FBN3: variants seen among roughly 807,000 people sequenced by gnomAD.
The protein encoded by FBN3 is fibrillin-3.
FBN3 carries 234 observed loss-of-function variants against 330.1 expected under a neutral mutation model. The observed-to-expected ratio is 0.71, with a 90% CI of 0.64 to 0.79. The LOEUF (loss-of-function observed/expected upper bound fraction) is 0.79, where lower values mean the gene tolerates loss of function less well. Ranked by LOEUF, FBN3 falls within the 30% of genes least tolerant of loss-of-function variation. FBN3 has a pLI of 0.00. For missense variants in FBN3, 3,606 were observed against 3,886.9 expected, an observed-to-expected ratio of 0.93 and a Z score of 1.92; for synonymous variants, 1,458 against 1,517.3, an observed-to-expected ratio of 0.96 and a Z score of 0.91.
In FBN3 at chr19:8,129,468, C is replaced by A; in HGVS notation, c.2045-103G>T. 6.7e-7 allele frequency: 1 copy of A among 1,488,780 alleles called. No homozygotes were observed. The highest frequency in any genetic ancestry group is 9.1e-7 in the Non-Finnish European group (1 of 1,093,910). The allele number at this position is 1,488,780 out of a possible 1,614,324, so 92.2% of individuals were successfully genotyped here. A position where few individuals can be genotyped will look rare whatever the true frequency, so the allele number is the denominator to read the frequency against. ...ACCAGGGGTCTCTAGAAGTCAGATT[C>A]CCCAAGGCCATAGCTCCAGCCCAGA... On this transcript the variant is annotated intron_variant, in intron 16 of 63. Coordinates refer to ENST00000600128, the MANE Select transcript of FBN3 (RefSeq NM_032447.5). The surrounding 1 kb of genome is among the most constrained non-coding windows in gnomAD (Gnocchi z 4.5).
intron 41 of FBN3, 35 bp from the exon 42 acceptor site, chr19:8,097,449 C>T (rs1375605120): frequency 2.6e-6 from 4 of 1,565,938 alleles, no homozygotes; most frequent in African/African-American, 2.7e-5. Flanking sequence ...GGCAGCCCAG[C>T]CCCCTGGGAC....
intron 51 of FBN3, 79 bp downstream of exon 51, chr19:8,089,466 G>T: frequency 6.5e-7 from 1 of 1,541,340 alleles, no homozygotes; most frequent in African/African-American, 1.4e-5. Flanking sequence ...CTGCCTGGGG[G>T]TGTCTTCCCT....
rs150616727 is a variant in FBN3, at chr19:8,109,472, G to A, written c.4457-84C>T. ...GTGCATGCATGTGTCTATTTCAACA[G>A]GTGACAAGGACAACCACTCTTGCAG... On this transcript the variant is annotated intron_variant, in intron 35 of 63. Transcript: ENST00000600128. This position sits in a 1 kb window ranked among gnomAD's most constrained non-coding sequence, Gnocchi z 5.2. 6.4e-7 allele frequency: 1 copy of A among 1,560,476 alleles called. No individual in the cohort carries two copies. Among genetic ancestry groups the A allele is most frequent in the Non-Finnish European group, 8.8e-7 (1 of 1,139,768 alleles).
chr19:8,075,222 C>T (rs372140427), intron 60 of FBN3, 32 bp from the exon 61 acceptor site: 2 of 1,574,522 alleles, frequency 1.3e-6, no homozygotes, highest in East Asian at 2.3e-5. Flanking sequence ...AGAGGGTTTA[C>T]CAGACGGCTC....
At chr19:8,115,682 G>A (rs1468936074) in intron 29 of FBN3, 42 bp from the exon 30 acceptor site, 1 of 1,605,772 alleles carries the variant, frequency 6.2e-7, no homozygotes, top group Non-Finnish European at 8.5e-7. Context: ...CTGGGTGCAG[G>A]GGTGACAGGA....
At chr19:8,137,563 AC>A (rs902414042) in intron 10 of FBN3, among the ~76,000 whole-genome samples, 25 of 151,668 alleles carry the variant, frequency 1.6e-4, no homozygotes, top group African/African-American at 5.3e-4. Context: ...TACATGACAG[AC>A]CCCCACACCA....
rs1205480152 is a variant in FBN3 at position 8,065,910 on chromosome 19, T to A, written c.*9A>T. On this transcript the variant is annotated 3_prime_UTR_variant, in exon 64 of 64. Transcript: ENST00000600128. ...CTGGACAGCTGGGGCCCACTGAGGC[T>A]CCTCCCAACTAAAGCAACTGCAGCT... The A allele has an allele frequency of 6.4e-7, 1 of 1,553,596 alleles. No individual in the cohort carries two copies. Among genetic ancestry groups the A allele is most frequent in the African/African-American group, 1.4e-5 (1 of 73,238 alleles).
In FBN3 at chr19:8,138,145, A is replaced by G; in HGVS notation, c.1197T>C (p.Asn399=). The G allele has an allele frequency of 1.1e-5, 17 of 1,609,542 alleles. No homozygotes were observed. The highest frequency in any genetic ancestry group is 1.4e-5 in the Non-Finnish European group (17 of 1,178,532). The part of the protein sequence containing the change: ...GIPSLGPGNS[N]IGTATLNQTI... ...CTCCCAAGCCCCAGGCCTCACCAAT[A>G]TTAGAGTTGCCAGGGCCCAGGCTGG... Residue 399 remains asparagine, a synonymous_variant, in exon 10 of 64, where the codon AAT becomes AAC. Coordinates refer to ENST00000600128, the MANE Select transcript of FBN3 (RefSeq NM_032447.5).
Position 8,081,034 on chromosome 19 carries a change from G to A in FBN3, c.7422C>T (p.Pro2474=), listed in dbSNP as rs571129157. 1.2e-5 allele frequency: 19 copies of A among 1,613,228 alleles called. No individual in the cohort carries two copies. Among genetic ancestry groups the A allele is most frequent in the South Asian group, 9.9e-5 (9 of 91,084 alleles). The stretch of plus-strand genomic sequence containing the variant: ...AGGCCTGGTGGTGCTGGGTGAAGCC[G>A]GGCGGACAGCGGCAGGTGAAGGCGC... ...TVGAFTCRCP[P]GFTQHHQACF... Residue 2474 remains proline, a synonymous_variant, in exon 59 of 64, where the codon CCC becomes CCT. Transcript: ENST00000600128.
At chr19:8,118,645 G>C (rs1420434725) in intron 26 of FBN3, among the ~76,000 whole-genome samples, 1 of 151,890 alleles carries the variant, frequency 6.6e-6, no homozygotes, top group Non-Finnish European at 1.5e-5. Context: ...ACAAACGCTT[G>C]CCCTTGTACA....
intron 57 of FBN3, among the ~76,000 whole-genome samples, chr19:8,082,925 G>A (rs141822356): frequency 2.6e-5 from 4 of 151,856 alleles, no homozygotes; most frequent in Admixed American, 1.3e-4. Context: ...AGCTCAAGCA[G>A]CCTCCCAAGT....
At chr19:8,108,543 T>A (rs902581446) in intron 36 of FBN3, among the ~76,000 whole-genome samples, 1 of 152,014 alleles carries the variant, frequency 6.6e-6, no homozygotes, top group Non-Finnish European at 1.5e-5. Context: ...AGAAGATTAT[T>A]CCTTCTGATC....
At chr19:8,133,930 T>A (rs1311030713) in intron 13 of FBN3, among the ~76,000 whole-genome samples, 8 of 145,488 alleles carry the variant, frequency 5.5e-5, no homozygotes, top group Admixed American at 2.1e-4. Context: ...AACATACATT[T>A]AAAAAAAAAA....
At chr19:8,072,919 C>G in intron 62 of FBN3, 144 bp downstream of exon 62, 1 of 694,488 alleles carries the variant, frequency 1.4e-6, no homozygotes, top group Non-Finnish European at 2.4e-6. Context: ...CCTGCATGCA[C>G]AGGCTGAAGG....
rs745699186 is a variant in FBN3, at chr19:8,072,085, C to T, written c.8051G>A (p.Arg2684Gln). ...GTGGGCACTGCGTCGTGGCCGGTCCCGAGGGGAGAGGCCATTGATCTTGCA... is the reference window on the plus strand; with the variant it reads ...GTGGGCACTGCGTCGTGGCCGGTCCTGAGGGGAGAGGCCATTGATCTTGCA... ...YECKINGLSP[R>Q]DRPRRSAHRD... Residue 2684 changes from arginine to glutamine, a missense_variant, in exon 63 of 64, where the codon CGG (arginine) becomes CAG (glutamine). By Grantham distance (43) the Arg-to-Gln change is conservative. Coordinates refer to ENST00000600128, the MANE Select transcript of FBN3 (RefSeq NM_032447.5). The T allele has an allele frequency of 1.2e-6, 2 of 1,612,692 alleles. No individual in the cohort carries two copies. The highest frequency in any genetic ancestry group is 1.7e-6 in the Non-Finnish European group (2 of 1,179,726).
intron 59 of FBN3, among the ~76,000 whole-genome samples, chr19:8,078,327 T>A (rs1265625237): frequency 3.9e-5 from 6 of 152,300 alleles, no homozygotes; most frequent in Admixed American, 3.9e-4. Flanking sequence ...GATGCTAGCA[T>A]GGTAGAGTCC....
Position 8,126,694 on chromosome 19 carries a change from G to C in FBN3, c.2416+19C>G. Reference sequence around the variant, plus strand: ...GACGCCCAGCCTCTGGAACGCCGTCGGGCTCCGGGGCCGCTCACCTAGACA... The same window carrying C: ...GACGCCCAGCCTCTGGAACGCCGTCCGGCTCCGGGGCCGCTCACCTAGACA... On this transcript the variant is annotated intron_variant, in intron 19 of 63. Transcript: ENST00000600128. 2 of 1,580,952 alleles carry C rather than the reference G, an allele frequency of 1.3e-6. No homozygotes were observed. The highest frequency in any genetic ancestry group is 1.7e-6 in the Non-Finnish European group (2 of 1,161,642).
rs762486993 is a variant in FBN3, at chr19:8,146,139, C to G, written c.337G>C (p.Gly113Arg). The G allele has an allele frequency of 6.3e-7, 1 of 1,595,946 alleles. No individual in the cohort carries two copies. The highest frequency in any genetic ancestry group is 8.5e-7 in the Non-Finnish European group (1 of 1,172,752). ...GCTTCCCGCTCACCTCGGCTCACCC[C>G]GCAGCTGGGAGCCAGCGTCCCATCC... ...CADGTLAPSC[G>R]VSRGSGCSVS... The change falls in exon 4 of 64, where the codon GGG (glycine) becomes CGG (arginine). Residue 113 changes from glycine to arginine, a missense_variant. Coordinates refer to ENST00000600128, the MANE Select transcript of FBN3 (RefSeq NM_032447.5).
At position 8,126,286 on chromosome 19, in the gene FBN3, C is replaced by G; in HGVS notation, c.2605+11G>C. 1 of 1,584,382 alleles carries G rather than the reference C, an allele frequency of 6.3e-7. No individual in the cohort carries two copies. The highest frequency in any genetic ancestry group is 2.3e-5 in the East Asian group (1 of 43,978). ...GAGTAGGGGGTGAGCTGGACACGGG[C>G]AGGCAGTTACCATCGCAGGTGACAC... On this transcript the variant is annotated intron_variant, in intron 21 of 63. Coordinates refer to ENST00000600128, the MANE Select transcript of FBN3 (RefSeq NM_032447.5).
Sources: allele counts gnomAD v4.1 joint callset (sites outside exome capture counted in the v4.1 genomes callset), GRCh38; gene constraint gnomAD v4.1.1; non-coding constraint Gnocchi (gnomAD v3.1); transcripts MANE v1.5; gene names NCBI Gene and HGNC (gene_info 2026-07-23, HGNC 2026-07-21).